The following INPP5D variants were observed in gnomAD, a reference collection of about 807,000 sequenced individuals.
The protein encoded by INPP5D is inositol polyphosphate-5-phosphatase D, also known as phosphatidylinositol 3,4,5-trisphosphate 5-phosphatase 1.
Under a neutral mutation model 122.9 loss-of-function variants are expected in INPP5D, and 33 were observed. The ratio of observed to expected loss-of-function variants is 0.27; its 90% CI spans 0.20 to 0.36. The LOEUF (loss-of-function observed/expected upper bound fraction) is 0.36. Among genes scored for constraint, INPP5D ranks in the 10% least tolerant of loss-of-function variants. INPP5D has a pLI of 1.00. For synonymous variants in INPP5D, 584 were observed against 576.2 expected (o/e 1.01, Z -0.19); for missense variants, 1,053 against 1,412.7 (o/e 0.75, Z 4.08).
intron 26 of INPP5D, 196 bp downstream of exon 26, chr2:233,204,913 T>C: frequency 1.1e-6 from 1 of 926,698 alleles, no homozygotes. Context: ...AGAGTCAGGA[T>C]TTGAACCCAG....
At chr2:233,178,174 A>G (rs932579348) in intron 18 of INPP5D, among the ~76,000 whole-genome samples, 3 of 152,152 alleles carry the variant, frequency 2.0e-5, no homozygotes, top group Admixed American at 6.6e-5. Flanking sequence ...CCACGTACCT[A>G]TAGTCTCAGC....
At chr2:233,101,719 T>A (rs899362344) in intron 2 of INPP5D, among the ~76,000 whole-genome samples, 2 of 146,010 alleles carry the variant, frequency 1.4e-5, no homozygotes, top group African/African-American at 5.0e-5. Flanking sequence ...ATAATATATA[T>A]TATATATAAT....
At chr2:233,090,012 G>A (rs1400515035) in intron 2 of INPP5D, among the ~76,000 whole-genome samples, 4 of 152,170 alleles carry the variant, frequency 2.6e-5, no homozygotes, top group South Asian at 4.1e-4. Flanking sequence ...CCACATCCTC[G>A]CATTGTGGGG....
At chr2:233,142,725 A>C (rs2106275320) in intron 6 of INPP5D, among the ~76,000 whole-genome samples, 1 of 152,152 alleles carries the variant, frequency 6.6e-6, no homozygotes, top group South Asian at 2.1e-4. Context: ...TTTTTTTTGA[A>C]AAGTGCAACT....
At chr2:233,089,194 C>A (rs150614592) in intron 2 of INPP5D, among the ~76,000 whole-genome samples, 1 of 152,070 alleles carries the variant, frequency 6.6e-6, no homozygotes, top group Admixed American at 6.6e-5. Context: ...GAGGGACCAG[C>A]GGGAGGCCCC....
At chr2:233,115,086 C>T (rs1692749228) in intron 2 of INPP5D, among the ~76,000 whole-genome samples, 1 of 152,138 alleles carries the variant, frequency 6.6e-6, no homozygotes, top group Non-Finnish European at 1.5e-5. Context: ...AGGCTGGTTT[C>T]GAGCTCCTGA....
intron 2 of INPP5D, among the ~76,000 whole-genome samples, chr2:233,111,906 C>CA (rs1692640021): frequency 6.6e-6 from 1 of 151,396 alleles, no homozygotes; most frequent in Non-Finnish European, 1.5e-5. Flanking sequence ...ACAAAAAATA[C>CA]AAAAAATTTA....
At chr2:233,125,461 GTC>G (rs1693128292) in intron 3 of INPP5D, among the ~76,000 whole-genome samples, 1 of 152,250 alleles carries the variant, frequency 6.6e-6, no homozygotes, top group Non-Finnish European at 1.5e-5. Flanking sequence ...TGTGGGCTTA[GTC>G]CATCCAAGGT....
Position 233,100,829 on chromosome 2 carries a change from C to T in INPP5D, c.199-21278C>T, listed in dbSNP as rs1692290701. Among the ~76,000 whole-genome samples, 2 of 152,212 alleles carry T rather than the reference C, an allele frequency of 1.3e-5. No homozygotes were observed. The highest frequency in any genetic ancestry group is 4.8e-5 in the African/African-American group (2 of 41,450). ...GGCTCACTTTTGTCACTGCACTTGC[C>T]ACCCAGAACACTGTTACTGTCCCTT... is the stretch of plus-strand genomic sequence containing the variant. On this transcript the variant is annotated intron_variant, in intron 2 of 26. Transcript: ENST00000445964. The surrounding 1 kb of genome is among the most constrained non-coding windows in gnomAD (Gnocchi z 5.3).
intron 2 of INPP5D, among the ~76,000 whole-genome samples, chr2:233,101,766 A>G (rs1692321872): frequency 6.8e-6 from 1 of 146,466 alleles, no homozygotes; most frequent in Admixed American, 6.9e-5. Flanking sequence ...ATATTTATTT[A>G]TATTATATTT....
chr2:233,151,582 C>T (rs546044789), intron 9 of INPP5D, among the ~76,000 whole-genome samples: 14 of 152,192 alleles, frequency 9.2e-5, no homozygotes, highest in Non-Finnish European at 1.6e-4. Context: ...GGCCCCAGCT[C>T]GGGCCCTGGG....
At chr2:233,072,750 A>G (rs1691414090) in intron 1 of INPP5D, among the ~76,000 whole-genome samples, 1 of 152,220 alleles carries the variant, frequency 6.6e-6, no homozygotes, top group Non-Finnish European at 1.5e-5. Context: ...TTTCTGGCAA[A>G]CAATCATGCA....
Position 233,118,388 on chromosome 2 carries a change from T to C in INPP5D, c.199-3719T>C, listed in dbSNP as rs73996039. ...GACCATGCTCCTCACCACCCACCCG[T>C]CTAGACCACGCTCCCCACCCCTCCG... On this transcript the variant is annotated intron_variant, in intron 2 of 26. Transcript: ENST00000445964. 8.5e-4 allele frequency among the ~76,000 whole-genome samples: 129 copies of C among 152,244 alleles called. No homozygotes were observed. In the Middle Eastern group the frequency reaches 0.01, roughly 12 times the overall value.
intron 2 of INPP5D, among the ~76,000 whole-genome samples, chr2:233,080,085 A>G (rs1223991668): frequency 6.6e-6 from 1 of 152,080 alleles, no homozygotes; most frequent in East Asian, 1.9e-4. Context: ...GCCCGCCACC[A>G]TGCCCGGCTG....
intron 2 of INPP5D, among the ~76,000 whole-genome samples, chr2:233,091,394 C>T (rs1691989441): frequency 6.6e-6 from 1 of 152,178 alleles, no homozygotes; most frequent in South Asian, 2.1e-4. Context: ...GCCAGAAGTC[C>T]AGAAGCTCTC....
chr2:233,180,568 C>G (rs1194542603), intron 18 of INPP5D, among the ~76,000 whole-genome samples: 1 of 152,124 alleles, frequency 6.6e-6, no homozygotes, highest in Non-Finnish European at 1.5e-5. Flanking sequence ...TTGAGACAAT[C>G]TTGCTTTGTT....
At chr2:233,169,934 T>A in intron 14 of INPP5D, 92 bp from the exon 15 acceptor site, 2 of 1,591,028 alleles carry the variant, frequency 1.3e-6, no homozygotes, top group Non-Finnish European at 1.7e-6. Context: ...GCTATGCTCC[T>A]CGCCCCACAC....
At position 233,171,108 on chromosome 2, in the gene INPP5D, C is replaced by T; in HGVS notation, c.1945C>T (p.Leu649=). The change falls in exon 17 of 27, where the codon CTG becomes TTG. Residue 649 remains leucine, a synonymous_variant. Transcript: ENST00000445964. The part of the protein sequence containing the change: ...TFAPTYRFER[L]TRDKYAYTKQ... Reference sequence around the variant, plus strand: ...TGCCCCAACCTACCGTTTTGAGAGACTGACTCGGGACAAATACGCCTACAC... The same window carrying T: ...TGCCCCAACCTACCGTTTTGAGAGATTGACTCGGGACAAATACGCCTACAC... 3.1e-6 allele frequency: 5 copies of T among 1,613,794 alleles called. No homozygotes were observed. Among genetic ancestry groups the T allele is most frequent in the Non-Finnish European group, 4.2e-6 (5 of 1,179,844 alleles).
At chr2:233,159,319 T>C (rs898906288) in intron 10 of INPP5D, among the ~76,000 whole-genome samples, 1 of 152,184 alleles carries the variant, frequency 6.6e-6, no homozygotes, top group Non-Finnish European at 1.5e-5. Flanking sequence ...CATTCATTGT[T>C]CTCTGCCATG....
Sources: allele counts gnomAD v4.1 joint callset (sites outside exome capture counted in the v4.1 genomes callset), GRCh38; gene constraint gnomAD v4.1.1; non-coding constraint Gnocchi (gnomAD v3.1); transcripts MANE v1.5; gene names NCBI Gene and HGNC (gene_info 2026-07-23, HGNC 2026-07-21).